The following COL15A1 variants were observed in gnomAD, a reference collection of about 807,000 sequenced individuals.
The protein encoded by COL15A1 is collagen type XV alpha 1 chain, also known as collagen alpha-1(XV) chain.
COL15A1 carries 111 observed loss-of-function variants against 165.9 expected under a neutral mutation model. That is an observed-to-expected ratio of 0.67 (90% CI 0.57 to 0.78). The LOEUF (loss-of-function observed/expected upper bound fraction) is 0.78. Ranked by LOEUF, COL15A1 falls within the 30% of genes least tolerant of loss-of-function variation. The pLI is 0.00. For missense variants in COL15A1, 1,745 were observed against 1,789.7 expected (o/e 0.98, Z 0.45); for synonymous variants, 659 against 674.8 (o/e 0.98, Z 0.36).
rs1441926765 is a variant in COL15A1 at position 98,988,495 on chromosome 9, C to A, written c.724-683C>A. On this transcript the variant is annotated intron_variant, in intron 4 of 41. Transcript: ENST00000375001. ...ATGCTTCGGCTGTAATTGTTCCCAG[C>A]GCAAGATTCCAATGACAGCCTCACA... 3.3e-5 allele frequency among the ~76,000 whole-genome samples: 5 copies of A among 152,250 alleles called. No homozygotes were observed. The East Asian group carries it at 5.8e-4, about 18-fold the overall frequency.
chr9:99,000,571 A>G (rs962143569), intron 6 of COL15A1, among the ~76,000 whole-genome samples: 1 of 152,202 alleles, frequency 6.6e-6, no homozygotes, highest in South Asian at 2.1e-4. Flanking sequence ...AAACAACCCT[A>G]TGAGGTAGGA....
chr9:99,065,545 C>T (rs1253186736), intron 39 of COL15A1, among the ~76,000 whole-genome samples: 3 of 151,414 alleles, frequency 2.0e-5, no homozygotes, highest in Non-Finnish European at 4.4e-5. Context: ...CCCTCTTACC[C>T]TAATGGCTGG....
chr9:99,034,067 C>A (rs1839254666), intron 16 of COL15A1, among the ~76,000 whole-genome samples: 1 of 152,184 alleles, frequency 6.6e-6, no homozygotes, highest in African/African-American at 2.4e-5. Context: ...GGGGACTACT[C>A]CAGCCAGCTT....
At chr9:98,978,895 T>C (rs1838187344) in intron 2 of COL15A1, among the ~76,000 whole-genome samples, 1 of 152,160 alleles carries the variant, frequency 6.6e-6, no homozygotes, top group African/African-American at 2.4e-5. Flanking sequence ...TTGTGTATTC[T>C]TCTAGAGCTA....
intron 16 of COL15A1, among the ~76,000 whole-genome samples, chr9:99,029,757 C>T (rs1340355685): frequency 6.6e-6 from 1 of 152,058 alleles, no homozygotes; most frequent in East Asian, 1.9e-4. Flanking sequence ...AACCCCATCT[C>T]TACTAAAAAT....
intron 5 of COL15A1, among the ~76,000 whole-genome samples, chr9:98,994,120 G>A (rs1367057866): frequency 1.3e-5 from 2 of 151,634 alleles, no homozygotes; most frequent in Non-Finnish European, 2.9e-5. Flanking sequence ...GTTGGGGGTG[G>A]GGGTGGCATG....
At chr9:98,949,940 G>A (rs963920944) in intron 2 of COL15A1, among the ~76,000 whole-genome samples, 1 of 152,154 alleles carries the variant, frequency 6.6e-6, no homozygotes, top group Admixed American at 6.5e-5. Flanking sequence ...ATCATACAGT[G>A]TATGACCTAT....
chr9:98,956,100 G>A (rs1837771332), intron 2 of COL15A1, among the ~76,000 whole-genome samples: 2 of 152,236 alleles, frequency 1.3e-5, no homozygotes, highest in South Asian at 4.1e-4. Context: ...GAGGTCAGGA[G>A]TTTGTGACCA....
chr9:99,043,434 G>A (rs1313613159), intron 24 of COL15A1, among the ~76,000 whole-genome samples: 1 of 152,140 alleles, frequency 6.6e-6, no homozygotes, highest in Non-Finnish European at 1.5e-5. Flanking sequence ...GATGGATCTA[G>A]AGGGACGGAC....
chr9:99,044,836 G>C (rs1009780774), intron 26 of COL15A1, 66 bp downstream of exon 26: 1 of 1,447,806 alleles, frequency 6.9e-7, no homozygotes, highest in East Asian at 2.3e-5. Flanking sequence ...ACTTTGATTT[G>C]GTTAGATTTA....
intron 2 of COL15A1, among the ~76,000 whole-genome samples, chr9:98,948,310 A>G (rs919597800): frequency 1.3e-5 from 2 of 152,004 alleles, no homozygotes; most frequent in African/African-American, 4.8e-5. Flanking sequence ...TTAAAGACAC[A>G]CTTGTCGGCC....
At chr9:99,012,591 T>C (rs1838863177) in intron 9 of COL15A1, among the ~76,000 whole-genome samples, 1 of 152,086 alleles carries the variant, frequency 6.6e-6, no homozygotes, top group African/African-American at 2.4e-5. Flanking sequence ...ATACCATATA[T>C]GTTCATTTTA....
At chr9:98,958,703 T>C (rs1223264282) in intron 2 of COL15A1, among the ~76,000 whole-genome samples, 1 of 152,166 alleles carries the variant, frequency 6.6e-6, no homozygotes, top group Non-Finnish European at 1.5e-5. Context: ...TGTGGGCTGA[T>C]ATCAAATTGC....
At chr9:99,052,191 C>T (rs1381498767) in intron 30 of COL15A1, among the ~76,000 whole-genome samples, 197 bp from the exon 31 acceptor site, 4 of 152,224 alleles carry the variant, frequency 2.6e-5, no homozygotes, top group African/African-American at 9.6e-5. Flanking sequence ...TCATGGGTCT[C>T]CCAGTTTAAA....
Position 99,066,892 on chromosome 9 carries a change from C to T in COL15A1, c.3662C>T (p.Ala1221Val). 6.2e-7 allele frequency: 1 copy of T among 1,612,494 alleles called. No individual in the cohort carries two copies. The highest frequency in any genetic ancestry group is 2.2e-5 in the East Asian group (1 of 44,862). ...TCTCACATTTTTCAGCTGCATTTGG[C>T]TGCTCTGAACATGCCATTTTCTGGG... ...ANYEKPALHL[A>V]ALNMPFSGDI... Residue 1221 changes from alanine (A) to valine (V), a missense_variant, in exon 40 of 42, where the codon GCT becomes GTT. Transcript: ENST00000375001.
rs1273296384 is a variant in COL15A1, at chr9:99,020,490, G to A, written c.1701+48G>A. On this transcript the variant is annotated intron_variant, in intron 12 of 41. Transcript: ENST00000375001. ...GGAACACTTTGGCTCCTGATCAAGT[G>A]TCCTGAACATGTTATTTAGGTTTGA... 3.0e-6 allele frequency: 4 copies of A among 1,319,346 alleles called. No individual in the cohort carries two copies. In the South Asian group the frequency reaches 4.7e-5, roughly 16 times the overall value. 81.7% of individuals were successfully genotyped at this position (1,319,346 alleles called of 1,614,324 possible).
intron 2 of COL15A1, among the ~76,000 whole-genome samples, chr9:98,962,595 A>G (rs1208603691): frequency 1.3e-5 from 2 of 152,194 alleles, no homozygotes; most frequent in Non-Finnish European, 2.9e-5. Context: ...AGAGAATTAA[A>G]TTTTCAAGGT....
At chr9:99,064,073 G>A (rs923503656) in intron 39 of COL15A1, among the ~76,000 whole-genome samples, 2 of 152,042 alleles carry the variant, frequency 1.3e-5, no homozygotes, top group Non-Finnish European at 2.9e-5. Context: ...TCTCTCTATA[G>A]ACCACCTTCT....
chr9:99,036,622 C>G (rs112304128), intron 21 of COL15A1, among the ~76,000 whole-genome samples: 43 of 152,234 alleles, frequency 2.8e-4, no homozygotes, highest in African/African-American at 1.0e-3. Context: ...CATTTGGGGT[C>G]AATTGAAAAA....
Sources: allele counts gnomAD v4.1 joint callset (sites outside exome capture counted in the v4.1 genomes callset), GRCh38; gene constraint gnomAD v4.1.1; transcripts MANE v1.5; gene names NCBI Gene and HGNC (gene_info 2026-07-23, HGNC 2026-07-21).